Variants in TMEM117 observed in about 807,000 individuals in gnomAD.
The protein encoded by TMEM117 is transmembrane protein 117.
A neutral mutation model predicts 52.4 loss-of-function variants in TMEM117; 27 were observed. That is an observed-to-expected ratio of 0.51 (90% CI 0.38 to 0.71). The LOEUF (loss-of-function observed/expected upper bound fraction) is 0.71. TMEM117 is among the 30% of genes least tolerant of loss of function. The pLI is 0.00. For synonymous variants in TMEM117, 215 were observed against 206.3 expected (o/e 1.04, Z -0.36); for missense variants, 556 against 630.5 (o/e 0.88, Z 1.26).
intron 2 of TMEM117, among the ~76,000 whole-genome samples, chr12:43,900,121 TA>T (rs1461715192): frequency 1.3e-5 from 2 of 152,214 alleles, no homozygotes; most frequent in Non-Finnish European, 2.9e-5. Flanking sequence ...CAAACTACAG[TA>T]AAAATCTACT....
chr12:44,277,276 G>T (rs935007984), intron 5 of TMEM117, among the ~76,000 whole-genome samples: 1 of 152,008 alleles, frequency 6.6e-6, no homozygotes, highest in African/African-American at 2.4e-5. Context: ...GCTGTCAAGA[G>T]CTAAACATTT....
chr12:44,394,574 T>C (rs1305700974), downstream of TMEM117, among the ~76,000 whole-genome samples: 1 of 152,220 alleles, frequency 6.6e-6, no homozygotes, highest in Non-Finnish European at 1.5e-5. Context: ...TCATAATCCC[T>C]TGGAGCTGCT....
Position 43,844,836 on chromosome 12 carries a change from T to A in TMEM117, c.185T>A (p.Val62Asp). Residue 62 changes from valine to aspartate, a missense_variant, in exon 2 of 8, where the codon GTT (valine) becomes GAT (aspartate). Physicochemically the swap from Val to Asp is radical, Grantham distance 152. This residue lies in a region of TMEM117 where 328 missense variants were observed against 371.4 expected (regional missense o/e 0.88). Transcript: ENST00000266534. ...GTTACAAATAAATACCCTAGAGGAG[T>A]TGGCTGGAGGATTTTGAAGGTGCTT... ...SFVTNKYPRGVGWRILKVLLW... is the reference protein window; with the variant it reads ...SFVTNKYPRGDGWRILKVLLW... 6.2e-7 allele frequency: 1 copy of A among 1,614,094 alleles called. No individual in the cohort carries two copies. Among genetic ancestry groups the A allele is most frequent in the Non-Finnish European group, 8.5e-7 (1 of 1,179,996 alleles).
chr12:44,131,223 C>T (rs1043015254), intron 3 of TMEM117, among the ~76,000 whole-genome samples: 2 of 152,094 alleles, frequency 1.3e-5, no homozygotes, highest in Non-Finnish European at 2.9e-5. Flanking sequence ...AATATTTACT[C>T]TGCCTCATTG....
At chr12:44,326,580 A>G (rs1289912637) in intron 6 of TMEM117, among the ~76,000 whole-genome samples, 6 of 152,202 alleles carry the variant, frequency 3.9e-5, no homozygotes, top group African/African-American at 7.2e-5. Context: ...TAGCTATTCT[A>G]TGTTGCATCA....
chr12:44,316,114 T>A (rs1350894685), intron 6 of TMEM117, among the ~76,000 whole-genome samples: 1 of 152,194 alleles, frequency 6.6e-6, no homozygotes, highest in African/African-American at 2.4e-5. Flanking sequence ...ATGGTGAAAT[T>A]ATTAACTGGT....
At chr12:44,210,105 TACTC>T (rs1288409233) in intron 4 of TMEM117, among the ~76,000 whole-genome samples, 1 of 152,182 alleles carries the variant, frequency 6.6e-6, no homozygotes, top group African/African-American at 2.4e-5. Context: ...AATTCTCTCT[TACTC>T]AATGCAGTAA....
intron 5 of TMEM117, among the ~76,000 whole-genome samples, chr12:44,294,879 G>T (rs1035644625): frequency 1.3e-5 from 2 of 152,156 alleles, no homozygotes; most frequent in African/African-American, 2.4e-5. Context: ...CTTGTGAATT[G>T]TTTATTTCTG....
the TMEM117 span, chr12:43,806,195 C>T: frequency 4.6e-6 from 7 of 1,529,590 alleles, no homozygotes; most frequent in Non-Finnish European, 6.1e-6. Flanking sequence ...AGCCCCTTCC[C>T]TGCGAGTCGC....
intron 2 of TMEM117, among the ~76,000 whole-genome samples, chr12:43,938,582 A>C (rs1944991879): frequency 6.6e-6 from 1 of 152,160 alleles, no homozygotes; most frequent in African/African-American, 2.4e-5. Context: ...ATAGAGATTA[A>C]TCAAGTCTTG....
At chr12:44,118,865 G>T (rs1396193378) in intron 3 of TMEM117, among the ~76,000 whole-genome samples, 2 of 152,026 alleles carry the variant, frequency 1.3e-5, no homozygotes, top group Non-Finnish European at 2.9e-5. Flanking sequence ...TTGCATCTCT[G>T]GTTTAAAACA....
At chr12:43,936,970 TGAG>T (rs1294193057) in intron 2 of TMEM117, among the ~76,000 whole-genome samples, 1 of 151,952 alleles carries the variant, frequency 6.6e-6, no homozygotes, top group Non-Finnish European at 1.5e-5. Context: ...GAAAAAAGAA[TGAG>T]GAGAGAGGGA....
chr12:43,845,039 C>G (rs1386011496), intron 2 of TMEM117, 111 bp downstream of exon 2: 4 of 1,277,112 alleles, frequency 3.1e-6, no homozygotes, highest in Non-Finnish European at 4.3e-6. Context: ...TTAGTTTGTC[C>G]TCCTGCCTTA....
intron 3 of TMEM117, among the ~76,000 whole-genome samples, chr12:43,960,234 AGGCTGGAAATGAAT>A (rs971152549): frequency 6.6e-6 from 1 of 151,776 alleles, no homozygotes; most frequent in Non-Finnish European, 1.5e-5. Flanking sequence ...GTGGCAAGAA[AGGCTGGAAATGAAT>A]GGCTGATTCT....
intron 4 of TMEM117, among the ~76,000 whole-genome samples, chr12:44,182,263 A>G (rs759833606): frequency 4.6e-5 from 7 of 152,146 alleles, no homozygotes; most frequent in Non-Finnish European, 7.3e-5. Context: ...GGCTGAGACA[A>G]TGGGTTTTTC....
At chr12:43,931,284 A>G (rs1366349139) in intron 2 of TMEM117, among the ~76,000 whole-genome samples, 1 of 152,202 alleles carries the variant, frequency 6.6e-6, no homozygotes, top group East Asian at 1.9e-4. Context: ...CAGTAGCATC[A>G]AACTATTTCC....
chr12:44,057,184 G>A (rs1350453379), intron 3 of TMEM117, among the ~76,000 whole-genome samples: 1 of 152,190 alleles, frequency 6.6e-6, no homozygotes, highest in Non-Finnish European at 1.5e-5. Context: ...AGAAAAGGAA[G>A]CAGTGTATCT....
At chr12:43,926,128 G>T (rs573977367) in intron 2 of TMEM117, among the ~76,000 whole-genome samples, 1 of 152,216 alleles carries the variant, frequency 6.6e-6, no homozygotes, top group Admixed American at 6.5e-5. Context: ...GAAGTTATTC[G>T]TTGCATACAT....
chr12:43,846,185 A>T (rs1943204901), intron 2 of TMEM117, among the ~76,000 whole-genome samples: 1 of 152,112 alleles, frequency 6.6e-6, no homozygotes, highest in African/African-American at 2.4e-5. Context: ...GGATCTCTTG[A>T]TAATGACAGA....
Sources: allele counts gnomAD v4.1 joint callset (sites outside exome capture counted in the v4.1 genomes callset), GRCh38; gene constraint gnomAD v4.1.1; regional missense constraint gnomAD v4.1.1; transcripts MANE v1.5; gene names NCBI Gene and HGNC (gene_info 2026-07-23, HGNC 2026-07-21).